The following CSMD1 variants were observed in gnomAD, a reference collection of about 807,000 sequenced individuals.
CSMD1 encodes CUB and sushi domain-containing protein 1.
Under a neutral mutation model 417.5 loss-of-function variants are expected in CSMD1, and 213 were observed. The observed-to-expected ratio is 0.51, with a 90% confidence interval of 0.46 to 0.57. The LOEUF (loss-of-function observed/expected upper bound fraction) is 0.57, where lower values mean the gene tolerates loss of function less well. Ranked by LOEUF, CSMD1 falls within the 20% of genes least tolerant of loss-of-function variation. The pLI is 0.00. For missense variants in CSMD1, 6,923 were observed against 4,529.7 expected (o/e 1.53, Z -15.17); for synonymous variants, 2,862 against 1,736.8 (o/e 1.65, Z -16.11).
chr8:3,596,278 AC>A (rs1188760647), intron 8 of CSMD1, among the ~76,000 whole-genome samples: 1 of 152,200 alleles, frequency 6.6e-6, no homozygotes, highest in African/African-American at 2.4e-5. Context: ...ATAGCAGCAG[AC>A]ATGAGTTTGT....
At chr8:4,109,932 G>C (rs191231615) in intron 3 of CSMD1, among the ~76,000 whole-genome samples, 1 of 152,218 alleles carries the variant, frequency 6.6e-6, no homozygotes, top group African/African-American at 2.4e-5. Flanking sequence ...AATGAAATAA[G>C]ATCATGACAA....
At chr8:4,228,335 A>C (rs1416754573) in intron 3 of CSMD1, among the ~76,000 whole-genome samples, 1 of 151,904 alleles carries the variant, frequency 6.6e-6, no homozygotes, top group Non-Finnish European at 1.5e-5. Flanking sequence ...TCTGTCTCTA[A>C]TTCCTCCCTC....
chr8:3,385,910 GA>G (rs1285730613), intron 18 of CSMD1, among the ~76,000 whole-genome samples: 2 of 150,334 alleles, frequency 1.3e-5, no homozygotes, highest in Non-Finnish European at 3.0e-5. Context: ...CATATGAGAG[GA>G]AAAAAAAAGC....
intron 10 of CSMD1, among the ~76,000 whole-genome samples, chr8:3,511,485 T>C (rs924253933): frequency 2.0e-5 from 3 of 151,778 alleles, no homozygotes; most frequent in Non-Finnish European, 4.4e-5. Context: ...CCAGGCACGT[T>C]GGCTCACGGC....
chr8:3,226,524 G>C (rs1024364164), intron 27 of CSMD1, among the ~76,000 whole-genome samples: 1 of 149,836 alleles, frequency 6.7e-6, no homozygotes, highest in Non-Finnish European at 1.5e-5. Context: ...GGAGGCTGCA[G>C]TGAGCTGAGA....
chr8:3,355,894 G>A (rs73505681), intron 21 of CSMD1, among the ~76,000 whole-genome samples: 1,786 of 152,276 alleles, frequency 0.012, 33 homozygotes, highest in African/African-American at 0.04. Context: ...TGCCAGAAGA[G>A]AGGGTTTGAG....
intron 1 of CSMD1, among the ~76,000 whole-genome samples, chr8:4,968,650 A>C (rs1247677314): frequency 6.6e-6 from 1 of 152,158 alleles, no homozygotes; most frequent in Non-Finnish European, 1.5e-5. Context: ...TTCTATCAAC[A>C]GCTAGTGTGG....
At chr8:3,569,980 T>G (rs1799878724) in intron 10 of CSMD1, among the ~76,000 whole-genome samples, 1 of 152,118 alleles carries the variant, frequency 6.6e-6, no homozygotes, top group African/African-American at 2.4e-5. Flanking sequence ...TATTAAGTCC[T>G]CACAATCAAG....
chr8:3,723,735 A>C (rs1257293229), intron 6 of CSMD1, among the ~76,000 whole-genome samples: 1 of 152,170 alleles, frequency 6.6e-6, no homozygotes, highest in Non-Finnish European at 1.5e-5. Context: ...ACAATATCTA[A>C]CTTATTTTTA....
intron 18 of CSMD1, among the ~76,000 whole-genome samples, chr8:3,377,973 C>G (rs1021332546): frequency 6.6e-6 from 1 of 152,104 alleles, no homozygotes; most frequent in Admixed American, 6.6e-5. Flanking sequence ...AAGTCAGTGC[C>G]GTCATGGCCT....
At chr8:3,294,406 G>A (rs574195281) in intron 25 of CSMD1, among the ~76,000 whole-genome samples, 1 of 152,308 alleles carries the variant, frequency 6.6e-6, no homozygotes, top group East Asian at 1.9e-4. Context: ...GTTGGTCTGT[G>A]CCCTGCCTGC....
intron 3 of CSMD1, among the ~76,000 whole-genome samples, chr8:4,092,463 C>G (rs964017990): frequency 3.3e-5 from 5 of 152,082 alleles, no homozygotes; most frequent in African/African-American, 1.2e-4. Context: ...ACACTCTTAT[C>G]TTTGGTAAAA....
At chr8:3,574,505 C>G (rs113547504) in intron 10 of CSMD1, among the ~76,000 whole-genome samples, 4,463 of 152,220 alleles carry the variant, frequency 0.029, 215 homozygotes, top group African/African-American at 0.098. Context: ...CTTTGGCCTC[C>G]CAAAGTGCTG....
chr8:4,250,289 C>G (rs1444033744), intron 3 of CSMD1, among the ~76,000 whole-genome samples: 1 of 152,184 alleles, frequency 6.6e-6, no homozygotes, highest in African/African-American at 2.4e-5. Context: ...AATAGCCCAG[C>G]TCAGCTTAGG....
chr8:4,827,631 G>C (rs1469762332), intron 1 of CSMD1, among the ~76,000 whole-genome samples: 3 of 152,114 alleles, frequency 2.0e-5, no homozygotes, highest in Admixed American at 6.6e-5. Flanking sequence ...GAATAGGTAA[G>C]TCTTTAGGAA....
chr8:3,101,374 T>C lies in CSMD1; in HGVS notation c.6950-4337A>G, dbSNP rs113691821. On this transcript the variant is annotated intron_variant, in intron 46 of 69. Coordinates refer to ENST00000635120, the MANE Select transcript of CSMD1 (RefSeq NM_033225.6). ...ACTTCTGTGATGTCTCTTACTCAGG[T>C]TTTTCTACATTAAGATGAGTGTCTA... Among the ~76,000 whole-genome samples the C allele has an allele frequency of 9.1e-3, 1,391 of 152,302 alleles. 19 individuals are homozygous for C. Among genetic ancestry groups the C allele is most frequent in the African/African-American group, 0.029 (1,218 of 41,564 alleles).
At chr8:3,448,743 G>C (rs887885011) in intron 12 of CSMD1, among the ~76,000 whole-genome samples, 38 of 152,132 alleles carry the variant, frequency 2.5e-4, no homozygotes, top group Non-Finnish European at 8.8e-5. Context: ...ACACCACAGA[G>C]GGATGCATTA....
intron 7 of CSMD1, among the ~76,000 whole-genome samples, chr8:3,654,893 G>A (rs939421108): frequency 1.3e-5 from 2 of 152,148 alleles, no homozygotes; most frequent in African/African-American, 4.8e-5. Flanking sequence ...TGGGAGACAG[G>A]AGCTGGGCTC....
Position 3,441,548 on chromosome 8 carries a change from A to G in CSMD1, c.1561+27164T>C, listed in dbSNP as rs187744740. On this transcript the variant is annotated intron_variant, in intron 12 of 69. Transcript: ENST00000635120. The stretch of plus-strand genomic sequence containing the variant: ...ACAAAATCCTGTACCACGTAAGGAC[A>G]TTTCAATCAATGATGGATCATGTAT... Among the ~76,000 whole-genome samples, 230 of 150,872 alleles carry G rather than the reference A, an allele frequency of 1.5e-3. 1 individual carries two copies. Among genetic ancestry groups the G allele is most frequent in the African/African-American group, 5.2e-3 (215 of 41,286 alleles).
Sources: allele counts gnomAD v4.1 joint callset (sites outside exome capture counted in the v4.1 genomes callset), GRCh38; gene constraint gnomAD v4.1.1; transcripts MANE v1.5; gene names NCBI Gene and HGNC (gene_info 2026-07-23, HGNC 2026-07-21).